Variants in ZNF618 observed in about 807,000 individuals in gnomAD.
ZNF618 encodes neural precursor cell expressed, developmentally down-regulated 10.
ZNF618 carries 34 observed loss-of-function variants against 103.0 expected under a neutral mutation model. That is an observed-to-expected ratio of 0.33 (90% CI 0.25 to 0.44). ZNF618 has a LOEUF of 0.44. Ranked by LOEUF, ZNF618 falls within the 20% of genes least tolerant of loss-of-function variation. The probability of loss-of-function intolerance (pLI) is 1.00; values close to 1 mark genes in which losing one functional copy is unlikely to be tolerated. For synonymous variants in ZNF618, 551 were observed against 542.2 expected (o/e 1.02, Z -0.23); for missense variants, 1,059 against 1,295.4 (o/e 0.82, Z 2.80).
intron 1 of ZNF618, among the ~76,000 whole-genome samples, chr9:113,889,041 C>T (rs1367030040): frequency 6.6e-6 from 1 of 152,194 alleles, no homozygotes; most frequent in Non-Finnish European, 1.5e-5. Context: ...ATACACTCAC[C>T]TCACTGTCTG....
chr9:113,984,192 C>T (rs998958583), intron 2 of ZNF618, among the ~76,000 whole-genome samples: 4 of 152,074 alleles, frequency 2.6e-5, no homozygotes, highest in Non-Finnish European at 4.4e-5. Flanking sequence ...AGGGGACGAG[C>T]GAGTCAAGAT....
At chr9:113,968,256 G>A (rs943322040) in intron 1 of ZNF618, among the ~76,000 whole-genome samples, 1 of 152,124 alleles carries the variant, frequency 6.6e-6, no homozygotes, top group African/African-American at 2.4e-5. Flanking sequence ...CTCTGCCAGG[G>A]TTGTTTCAAA....
intron 1 of ZNF618, among the ~76,000 whole-genome samples, chr9:113,964,147 G>A (rs1178523659): frequency 1.3e-5 from 2 of 152,162 alleles, no homozygotes; most frequent in Non-Finnish European, 2.9e-5. Context: ...CCCCCTCCAA[G>A]ATGGCGGCCC....
intron 13 of ZNF618, among the ~76,000 whole-genome samples, chr9:114,045,146 A>T (rs978155616): frequency 8.5e-5 from 13 of 152,112 alleles, no homozygotes; most frequent in South Asian, 6.2e-4. Flanking sequence ...TATCTTTCCC[A>T]TTCTGTCGGT....
At chr9:113,910,953 CCT>C (rs1831490429) in intron 1 of ZNF618, among the ~76,000 whole-genome samples, 2 of 152,118 alleles carry the variant, frequency 1.3e-5, no homozygotes, top group Admixed American at 6.5e-5. Flanking sequence ...GCCTCAGCCC[CCT>C]GAGTAGCTGG....
At chr9:113,893,536 T>G (rs1829788057) in intron 1 of ZNF618, among the ~76,000 whole-genome samples, 1 of 152,190 alleles carries the variant, frequency 6.6e-6, no homozygotes, top group African/African-American at 2.4e-5. Context: ...ATATTTTTAT[T>G]ATTTAAGTCA....
intron 1 of ZNF618, among the ~76,000 whole-genome samples, chr9:113,951,493 G>A (rs58424333): frequency 0.34 from 17,282 of 50,468 alleles, 5,720 homozygotes; most frequent in East Asian, 0.43. Context: ...ATATATGTGT[G>A]TATGTGTACA....
chr9:114,004,309 C>G (rs1841529599), intron 6 of ZNF618, among the ~76,000 whole-genome samples: 1 of 152,160 alleles, frequency 6.6e-6, no homozygotes, highest in Non-Finnish European at 1.5e-5. Flanking sequence ...GGGAGCTGGG[C>G]CCTCCCCCTC....
intron 9 of ZNF618, 45 bp from the exon 10 acceptor site, chr9:114,016,650 G>A: frequency 6.6e-7 from 1 of 1,510,218 alleles, no homozygotes; most frequent in Non-Finnish European, 9.2e-7. Flanking sequence ...CTTCTTGGTG[G>A]AGGCCAGTTG....
chr9:113,987,248 C>T (rs903822547), intron 2 of ZNF618, among the ~76,000 whole-genome samples: 1 of 152,154 alleles, frequency 6.6e-6, no homozygotes, highest in African/African-American at 2.4e-5. Context: ...ACATGGACAG[C>T]TGTGTTGAAA....
intron 4 of ZNF618, among the ~76,000 whole-genome samples, chr9:113,998,593 G>A (rs1262031009): frequency 1.3e-5 from 2 of 152,220 alleles, no homozygotes; most frequent in Non-Finnish European, 2.9e-5. Flanking sequence ...CGCCTAGAAT[G>A]TCCAGAGCAT....
intron 9 of ZNF618, among the ~76,000 whole-genome samples, chr9:114,013,785 A>G (rs1486783775): frequency 6.6e-6 from 1 of 152,184 alleles, no homozygotes; most frequent in Non-Finnish European, 1.5e-5. Context: ...ACAGTAAAGT[A>G]GGTTAAGCCT....
chr9:113,921,033 A>G (rs141130774), intron 1 of ZNF618, among the ~76,000 whole-genome samples: 211 of 152,314 alleles, frequency 1.4e-3, no homozygotes, highest in Non-Finnish European at 2.2e-3. Flanking sequence ...TGGCTGACCT[A>G]TTGGTGGCTC....
intron 3 of ZNF618, among the ~76,000 whole-genome samples, chr9:113,990,796 C>A (rs558805034): frequency 1.3e-5 from 2 of 152,194 alleles, no homozygotes; most frequent in South Asian, 4.2e-4. Context: ...TAGGGGTGAA[C>A]CAGGAATGTT....
At chr9:113,955,647 G>C (rs1486225423) in intron 1 of ZNF618, among the ~76,000 whole-genome samples, 2 of 151,618 alleles carry the variant, frequency 1.3e-5, no homozygotes, top group Non-Finnish European at 2.9e-5. Flanking sequence ...CTTTGAGTTT[G>C]AGCATGTGTT....
chr9:113,933,386 C>T (rs1833769227), intron 1 of ZNF618, among the ~76,000 whole-genome samples: 1 of 152,180 alleles, frequency 6.6e-6, no homozygotes, highest in African/African-American at 2.4e-5. Flanking sequence ...AAATTGCCAG[C>T]TCAGTGACCT....
intron 3 of ZNF618, among the ~76,000 whole-genome samples, chr9:113,994,156 G>A (rs547651690): frequency 2.0e-5 from 3 of 152,352 alleles, no homozygotes; most frequent in African/African-American, 7.2e-5. Context: ...AGGAAAAGAG[G>A]AGGAAGGAGC....
chr9:114,049,643 G>A lies in ZNF618; in HGVS notation c.2341G>A (p.Val781Ile), dbSNP rs919315114. 4 of 1,613,854 alleles carry A rather than the reference G, an allele frequency of 2.5e-6. No individual in the cohort carries two copies. In the Admixed American group the frequency reaches 5.0e-5, roughly 20 times the overall value. Residue 781 changes from valine (V) to isoleucine (I), a missense_variant, in exon 15 of 15, where the codon GTC (valine) becomes ATC (isoleucine). This residue lies in a region of ZNF618 where 272 missense variants were observed against 380.1 expected (regional missense o/e 0.72). Coordinates refer to ENST00000374126, the MANE Select transcript of ZNF618 (RefSeq NM_001318042.2). The part of the protein sequence containing the change: ...FTAKANDAGT[V>I]SKLCHLFLEA... ...GGCCAAGGCCAACGACGCAGGCACTGTCAGCAAGCTCTGCCACCTCTTCCT... is the reference window on the plus strand; with the variant it reads ...GGCCAAGGCCAACGACGCAGGCACTATCAGCAAGCTCTGCCACCTCTTCCT...
chr9:113,939,502 T>C (rs764932244), intron 1 of ZNF618, among the ~76,000 whole-genome samples: 3 of 152,190 alleles, frequency 2.0e-5, no homozygotes, highest in Admixed American at 6.5e-5. Flanking sequence ...TATGTTGGCT[T>C]TGTAACAAGA....
Sources: allele counts gnomAD v4.1 joint callset (sites outside exome capture counted in the v4.1 genomes callset), GRCh38; gene constraint gnomAD v4.1.1; regional missense constraint gnomAD v4.1.1; transcripts MANE v1.5; gene names NCBI Gene and HGNC (gene_info 2026-07-23, HGNC 2026-07-21).